The following EPHA6 variants were observed in gnomAD, a reference collection of about 807,000 sequenced individuals.
The protein encoded by EPHA6 is ephrin type-A receptor 6.
In EPHA6, 50 loss-of-function variants were observed where a neutral mutation model predicts 112.0. The ratio of observed to expected loss-of-function variants is 0.45; its 90% CI spans 0.36 to 0.56. The LOEUF is 0.56. Ranked by LOEUF, EPHA6 falls within the 20% of genes least tolerant of loss-of-function variation. EPHA6 has a pLI of 0.00. For missense variants in EPHA6, 1,280 were observed against 1,417.4 expected (o/e 0.90, Z 1.56); for synonymous variants, 529 against 490.7 (o/e 1.08, Z -1.03).
intron 2 of EPHA6, among the ~76,000 whole-genome samples, chr3:96,892,502 A>G (rs1476901826): frequency 6.6e-6 from 1 of 152,152 alleles, no homozygotes; most frequent in Non-Finnish European, 1.5e-5. Flanking sequence ...GATTACAGGC[A>G]TGAATCACTG....
At chr3:97,546,425 G>A (rs1217619055) in intron 11 of EPHA6, among the ~76,000 whole-genome samples, 1 of 152,234 alleles carries the variant, frequency 6.6e-6, no homozygotes, top group Non-Finnish European at 1.5e-5. Flanking sequence ...AGTTTCTGCA[G>A]AGAGATCAGC....
At chr3:97,291,609 C>T (rs72924486) in intron 5 of EPHA6, among the ~76,000 whole-genome samples, 4,072 of 152,016 alleles carry the variant, frequency 0.027, 187 homozygotes, top group African/African-American at 0.092. Flanking sequence ...TTCTGAAATA[C>T]GTTCTTCTGC....
At chr3:96,820,826 A>G (rs182686491) in intron 1 of EPHA6, among the ~76,000 whole-genome samples, 2 of 152,066 alleles carry the variant, frequency 1.3e-5, no homozygotes, top group Non-Finnish European at 2.9e-5. Flanking sequence ...GAACGACTGT[A>G]CAAGTATGTA....
chr3:97,646,041 C>A, intron 14 of EPHA6: 1 of 1,101,460 alleles, frequency 9.1e-7, no homozygotes, highest in Non-Finnish European at 1.2e-6. Flanking sequence ...GAACAGTATG[C>A]TACATGGAAG....
chr3:97,641,739 A>G (rs891636669), intron 14 of EPHA6, among the ~76,000 whole-genome samples: 4 of 152,240 alleles, frequency 2.6e-5, no homozygotes, highest in Non-Finnish European at 4.4e-5. Flanking sequence ...GACCGGCTTA[A>G]AAAACAGCGC....
intron 14 of EPHA6, among the ~76,000 whole-genome samples, chr3:97,652,401 T>C (rs2094113278): frequency 6.6e-6 from 1 of 152,218 alleles, no homozygotes; most frequent in South Asian, 2.1e-4. Context: ...TCTTCCTGGC[T>C]AATGAAACCT....
chr3:97,486,450 G>A (rs1274448339), intron 10 of EPHA6, among the ~76,000 whole-genome samples: 1 of 152,174 alleles, frequency 6.6e-6, no homozygotes, highest in Non-Finnish European at 1.5e-5. Flanking sequence ...TGCCTCACAT[G>A]GGGTAGTTTA....
intron 3 of EPHA6, among the ~76,000 whole-genome samples, chr3:97,012,999 C>A (rs1576321022): frequency 6.6e-6 from 1 of 151,822 alleles, no homozygotes; most frequent in Admixed American, 6.6e-5. Flanking sequence ...AATATTAGAC[C>A]TTTTTCAGAT....
Position 96,957,031 on chromosome 3 carries a change from T to C in EPHA6, c.451-30299T>C, listed in dbSNP as rs1213441881. ...CTGGGTGACAAGAGTGAAACTTGTC[T>C]CAAAAAAAAAAAAAAAAATCTGAAC... On this transcript the variant is annotated intron_variant, in intron 2 of 17. Transcript: ENST00000389672. Among the ~76,000 whole-genome samples, 7 of 118,890 alleles carry C rather than the reference T, an allele frequency of 5.9e-5. No individual in the cohort carries two copies. In the South Asian group the frequency reaches 7.6e-4, roughly 13 times the overall value. 78.0% of individuals were successfully genotyped at this position (118,890 alleles called of 152,430 possible). A position where few individuals can be genotyped will look rare whatever the true frequency, so the allele number is the denominator to read the frequency against.
At chr3:96,878,508 T>C (rs936118764) in intron 2 of EPHA6, among the ~76,000 whole-genome samples, 8 of 152,032 alleles carry the variant, frequency 5.3e-5, no homozygotes. Context: ...ATTACTGTAA[T>C]TGAATGCAGA....
intron 6 of EPHA6, among the ~76,000 whole-genome samples, chr3:97,421,419 G>A (rs1241335578): frequency 6.6e-6 from 1 of 152,044 alleles, no homozygotes; most frequent in East Asian, 1.9e-4. Flanking sequence ...AATCTGTAAA[G>A]CATTTGAGAA....
intron 10 of EPHA6, among the ~76,000 whole-genome samples, chr3:97,521,423 G>A (rs1012991076): frequency 7.2e-5 from 11 of 152,194 alleles, no homozygotes; most frequent in African/African-American, 2.4e-4. Flanking sequence ...CATGACTGGG[G>A]AGGCCTCAGG....
intron 14 of EPHA6, among the ~76,000 whole-genome samples, chr3:97,689,704 T>C (rs1325390669): frequency 6.6e-6 from 1 of 152,208 alleles, no homozygotes; most frequent in Admixed American, 6.5e-5. Flanking sequence ...ATTTTTTTTG[T>C]ATATTTATAG....
At chr3:96,830,343 A>C (rs560124048) in intron 1 of EPHA6, among the ~76,000 whole-genome samples, 1 of 152,276 alleles carries the variant, frequency 6.6e-6, no homozygotes, top group African/African-American at 2.4e-5. Flanking sequence ...TCTCCAGTTG[A>C]TGGAGGATTT....
intron 3 of EPHA6, among the ~76,000 whole-genome samples, chr3:97,188,557 G>T (rs1383776029): frequency 6.6e-6 from 1 of 151,762 alleles, no homozygotes; most frequent in Non-Finnish European, 1.5e-5. Context: ...GCTTTAGAAA[G>T]AAATAAATAC....
At chr3:97,434,746 C>T (rs551459811) in intron 6 of EPHA6, among the ~76,000 whole-genome samples, 47 of 152,206 alleles carry the variant, frequency 3.1e-4, no homozygotes, top group African/African-American at 1.1e-3. Flanking sequence ...CAGGACAGAG[C>T]AGAGGCAGCT....
At chr3:97,313,523 T>C (rs1394974118) in intron 5 of EPHA6, among the ~76,000 whole-genome samples, 3 of 151,644 alleles carry the variant, frequency 2.0e-5, no homozygotes, top group Non-Finnish European at 4.4e-5. Flanking sequence ...GTTCCTTTTT[T>C]CCACATCTTT....
chr3:97,270,511 AG>A (rs1390799331), intron 5 of EPHA6, among the ~76,000 whole-genome samples: 1 of 152,226 alleles, frequency 6.6e-6, no homozygotes, highest in African/African-American at 2.4e-5. Flanking sequence ...TTATGCTAGA[AG>A]ATAATATGCT....
intron 3 of EPHA6, among the ~76,000 whole-genome samples, chr3:97,071,883 C>T (rs2046370380): frequency 1.3e-5 from 2 of 151,964 alleles, no homozygotes; most frequent in Admixed American, 6.6e-5. Context: ...CCGCATTTTC[C>T]CCCGAGTCCC....
Sources: gnomAD v4.1 joint callset for allele counts (sites outside exome capture counted in the v4.1 genomes callset) on GRCh38, gnomAD v4.1.1 for gene constraint, MANE v1.5 for transcripts, NCBI Gene and HGNC (gene_info 2026-07-23, HGNC 2026-07-21) for gene names.